Variants in NCAPG2 observed in about 807,000 individuals in gnomAD.
The protein encoded by NCAPG2 is condensin-2 complex subunit G2.
In NCAPG2, 53 loss-of-function variants were observed where a neutral mutation model predicts 141.1. The ratio of observed to expected loss-of-function variants is 0.38; its 90% CI spans 0.30 to 0.47. The LOEUF (loss-of-function observed/expected upper bound fraction) is 0.47, where lower values mean the gene tolerates loss of function less well. NCAPG2 is among the 20% of genes least tolerant of loss of function. The pLI, the probability that NCAPG2 is intolerant of heterozygous loss-of-function variation, is 0.99. For synonymous variants in NCAPG2, 499 were observed against 490.7 expected, an observed-to-expected ratio of 1.02 and a Z score of -0.22; for missense variants, 1,087 against 1,389.0, an observed-to-expected ratio of 0.78 and a Z score of 3.46.
At chr7:158,645,248 G>C (rs1472845915) in intron 26 of NCAPG2, among the ~76,000 whole-genome samples, 3 of 152,190 alleles carry the variant, frequency 2.0e-5, no homozygotes. Context: ...CACTTAAATG[G>C]ACCTAGTGGC....
At chr7:158,650,672 T>G (rs890645947) in intron 24 of NCAPG2, among the ~76,000 whole-genome samples, 160 bp downstream of exon 24, 4 of 152,212 alleles carry the variant, frequency 2.6e-5, no homozygotes, top group African/African-American at 9.7e-5. Context: ...TAACTAGCTA[T>G]CAAACTCTGA....
At chr7:158,657,320 C>G (rs1439164779) in intron 17 of NCAPG2, among the ~76,000 whole-genome samples, 2 of 152,204 alleles carry the variant, frequency 1.3e-5, no homozygotes, top group Non-Finnish European at 2.9e-5. Context: ...GTATTTTGTA[C>G]TCACAGCACA....
At chr7:158,653,937 A>C (rs1831700570) in intron 22 of NCAPG2, among the ~76,000 whole-genome samples, 1 of 152,102 alleles carries the variant, frequency 6.6e-6, no homozygotes, top group Admixed American at 6.5e-5. Context: ...GTTAGGGGTT[A>C]GGGAGTAGGG....
chr7:158,638,034 C>T (rs1830408062), intron 27 of NCAPG2, among the ~76,000 whole-genome samples: 1 of 152,142 alleles, frequency 6.6e-6, no homozygotes, highest in Non-Finnish European at 1.5e-5. Context: ...ATCCCAGCTA[C>T]TCGGGAGGCT....
Position 158,671,622 on chromosome 7 carries a change from T to C in NCAPG2, c.1371A>G (p.Leu457=), listed in dbSNP as rs776258189. Residue 457 remains leucine, a synonymous_variant, in exon 13 of 28, where the codon TTA becomes TTG. Transcript: ENST00000356309. ...ATCTGAGAGCTGGAAGGAGCTGCTC[T>C]AACAATGGGTGGCTCAGTTTGTTGT... ...ILDNKLSHPL[L]EQLLPALRYS... 1 of 1,614,226 alleles carries C rather than the reference T, an allele frequency of 6.2e-7. No individual in the cohort carries two copies. Among genetic ancestry groups the C allele is most frequent in the Non-Finnish European group, 8.5e-7 (1 of 1,180,024 alleles).
At chr7:158,674,619 C>T (rs1363230600) in intron 12 of NCAPG2, among the ~76,000 whole-genome samples, 2 of 152,216 alleles carry the variant, frequency 1.3e-5, no homozygotes, top group African/African-American at 2.4e-5. Context: ...AGAAAATAAG[C>T]AAGCAGGTTC....
chr7:158,669,768 C>CAAAAAAAAAAAAAAAAAA (rs567875836), intron 13 of NCAPG2, among the ~76,000 whole-genome samples: 3 of 53,672 alleles, frequency 5.6e-5, no homozygotes, highest in African/African-American at 7.5e-5. Flanking sequence ...GACTCTGTCT[C>CAAAAAAAAAAAAAAAAAA]AAAAAAAAAA....
intron 17 of NCAPG2, among the ~76,000 whole-genome samples, chr7:158,657,678 C>T (rs1222732215): frequency 3.3e-5 from 5 of 152,176 alleles, no homozygotes; most frequent in Non-Finnish European, 7.3e-5. Context: ...GAGAACAAGC[C>T]ATGATGACAA....
chr7:158,657,557 C>T (rs1000299538), intron 17 of NCAPG2, among the ~76,000 whole-genome samples: 2 of 152,224 alleles, frequency 1.3e-5, no homozygotes, highest in South Asian at 2.1e-4. Flanking sequence ...CCCGGCCAGC[C>T]GCCCCGTCCG....
intron 1 of NCAPG2, chr7:158,702,466 C>T (rs1835870158): frequency 6.6e-6 from 1 of 152,422 alleles, no homozygotes; most frequent in Non-Finnish European, 1.5e-5. Context: ...TGCTCAACCA[C>T]AGCACCCTCC....
chr7:158,668,722 T>G (rs1016134886), intron 13 of NCAPG2, among the ~76,000 whole-genome samples: 1 of 152,242 alleles, frequency 6.6e-6, no homozygotes, highest in Non-Finnish European at 1.5e-5. Context: ...AAAAGTTTTC[T>G]CCAATAATTG....
chr7:158,676,382 T>C (rs1327055478), intron 11 of NCAPG2, among the ~76,000 whole-genome samples: 1 of 152,198 alleles, frequency 6.6e-6, no homozygotes, highest in African/African-American at 2.4e-5. Context: ...GAGCTCGTGG[T>C]CCAGGAGACT....
intron 9 of NCAPG2, among the ~76,000 whole-genome samples, 169 bp downstream of exon 9, chr7:158,683,131 T>C (rs1321591243): frequency 6.6e-6 from 1 of 152,208 alleles, no homozygotes; most frequent in Non-Finnish European, 1.5e-5. Context: ...CTTTCCTCAT[T>C]AAAACTTTGG....
intron 12 of NCAPG2, among the ~76,000 whole-genome samples, chr7:158,675,081 GTTC>G (rs1309595397): frequency 1.3e-5 from 2 of 152,192 alleles, no homozygotes; most frequent in African/African-American, 2.4e-5. Context: ...TAAAATGTGA[GTTC>G]TTCTTGCAAG....
intron 9 of NCAPG2, 58 bp from the exon 10 acceptor site, chr7:158,680,874 A>C: frequency 7.6e-7 from 1 of 1,315,974 alleles, no homozygotes; most frequent in East Asian, 2.5e-5. Context: ...AAATAAAATA[A>C]AATGGCATTT....
chr7:158,667,248 G>A (rs1451571250), intron 13 of NCAPG2: 3 of 984,382 alleles, frequency 3.0e-6, no homozygotes, highest in East Asian at 1.1e-4. Context: ...ACTTCCTGGT[G>A]GGCCAGAGAC....
intron 19 of NCAPG2, 64 bp from the exon 20 acceptor site, chr7:158,655,519 C>T (rs933901418): frequency 2.7e-5 from 36 of 1,350,238 alleles, no homozygotes; most frequent in Middle Eastern, 1.8e-4. Flanking sequence ...CCCCGTACAG[C>T]AAGAACAATG....
At chr7:158,640,397 G>A (rs1332492478) in intron 27 of NCAPG2, 1 of 152,174 alleles carries the variant, frequency 6.6e-6, no homozygotes, top group East Asian at 1.9e-4. Context: ...GCTGGGTGTG[G>A]CGGCGATGTG....
At position 158,664,571 on chromosome 7, in the gene NCAPG2, C is replaced by T; in HGVS notation, c.1659G>A (p.Arg553=). Reference sequence around the variant, plus strand: ...TGTGTTCGTGGGCGTACTGATAGAACCTCCTGGCAGCGGCGTGGTTCATCT... The same window carrying T: ...TGTGTTCGTGGGCGTACTGATAGAATCTCCTGGCAGCGGCGTGGTTCATCT... The part of the protein sequence containing the change: ...LVQMNHAAAR[R]FYQYAHEHTA... The change falls in exon 14 of 28, where the codon AGG becomes AGA. Residue 553 remains arginine (R), a synonymous_variant. Coordinates refer to ENST00000356309, the MANE Select transcript of NCAPG2 (RefSeq NM_017760.7). The T allele has an allele frequency of 6.2e-7, 1 of 1,614,160 alleles. No individual in the cohort carries two copies. The highest frequency in any genetic ancestry group is 8.5e-7 in the Non-Finnish European group (1 of 1,180,030).
Sources: allele counts gnomAD v4.1 joint callset (sites outside exome capture counted in the v4.1 genomes callset), GRCh38; gene constraint gnomAD v4.1.1; transcripts MANE v1.5; gene names NCBI Gene and HGNC (gene_info 2026-07-23, HGNC 2026-07-21).